Variants in CFAP54 observed in about 807,000 individuals in gnomAD.
CFAP54 encodes the protein cilia- and flagella-associated protein 54.
A neutral mutation model predicts 370.4 loss-of-function variants in CFAP54; 290 were observed. The observed-to-expected ratio is 0.78, with a 90% confidence interval of 0.71 to 0.86. The LOEUF (loss-of-function observed/expected upper bound fraction) is 0.86. CFAP54 is among the 40% of genes least tolerant of loss of function. CFAP54 has a pLI of 0.00. For missense variants in CFAP54, 3,399 were observed against 3,528.7 expected, an observed-to-expected ratio of 0.96 and a Z score of 0.93; for synonymous variants, 1,206 against 1,236.5, an observed-to-expected ratio of 0.98 and a Z score of 0.52.
intron 40 of CFAP54, among the ~76,000 whole-genome samples, chr12:96,683,842 A>C (rs1957296030): frequency 6.7e-6 from 1 of 149,792 alleles, no homozygotes; most frequent in Admixed American, 6.6e-5. Flanking sequence ...CCCAGGCTGG[A>C]GTACAGTGGC....
At chr12:96,774,907 A>G (rs1014749152) in intron 60 of CFAP54, among the ~76,000 whole-genome samples, 8 of 152,180 alleles carry the variant, frequency 5.3e-5, no homozygotes, top group Non-Finnish European at 4.4e-5. Flanking sequence ...TACAGAGGCT[A>G]CTGATGCCAC....
chr12:96,599,693 C>T (rs944550609), intron 26 of CFAP54, among the ~76,000 whole-genome samples: 4 of 152,088 alleles, frequency 2.6e-5, no homozygotes, highest in East Asian at 3.9e-4. Flanking sequence ...TTTTAATGAT[C>T]GCCATTCTAA....
At chr12:96,806,159 AATATATATAT>A (rs548500750) in intron 63 of CFAP54, among the ~76,000 whole-genome samples, 314 of 27,844 alleles carry the variant, frequency 0.011, 6 homozygotes, top group African/African-American at 0.014. Context: ...TCACTAGCCA[AATATATATAT>A]ATATATATAT....
intron 66 of CFAP54, among the ~76,000 whole-genome samples, chr12:96,840,622 C>CTTT (rs1491169613): frequency 2.1e-4 from 14 of 67,052 alleles, no homozygotes; most frequent in East Asian, 1.6e-3. Context: ...TTCTCTGTTT[C>CTTT]TTTCTTTTTT....
intron 1 of CFAP54, 108 bp downstream of exon 1, chr12:96,490,034 C>A (rs1158454510): frequency 1.9e-6 from 2 of 1,062,956 alleles, no homozygotes; most frequent in Admixed American, 5.8e-5. Context: ...GTTGCGGACG[C>A]AGGGGCTGGC....
At chr12:96,670,376 G>T (rs910284784) in intron 39 of CFAP54, among the ~76,000 whole-genome samples, 1 of 152,206 alleles carries the variant, frequency 6.6e-6, no homozygotes, top group Non-Finnish European at 1.5e-5. Flanking sequence ...GTCACCTAAT[G>T]AGGTAGGTTT....
intron 63 of CFAP54, among the ~76,000 whole-genome samples, chr12:96,810,415 G>A (rs1432053656): frequency 6.6e-6 from 1 of 152,086 alleles, no homozygotes; most frequent in South Asian, 2.1e-4. Flanking sequence ...GGAAGCAGAG[G>A]TAAAGGCATG....
rs1007354258 is a variant in CFAP54, at chr12:96,489,621, G to A, written c.12G>A (p.Gln4=). ...CGGGGCGCGTCAATATGGCGGCGCA[G>A]GGCTCCCCCTCGAGCTCTCCGTCAG... is the stretch of plus-strand genomic sequence containing the variant. MAA[Q]GSPSSSPSDD... is the part of the protein sequence containing the mutation. The change falls in exon 1 of 68, where the codon CAG becomes CAA. Residue 4 remains glutamine (Q), a synonymous_variant. Transcript: ENST00000524981. The A allele has an allele frequency of 6.6e-7, 1 of 1,520,310 alleles. No homozygotes were observed. The highest frequency in any genetic ancestry group is 8.8e-7 in the Non-Finnish European group (1 of 1,135,394). The allele number at this position is 1,520,310 out of a possible 1,614,324, so 94.2% of individuals were successfully genotyped here.
At chr12:96,813,891 G>A (rs1466270693) in intron 64 of CFAP54, among the ~76,000 whole-genome samples, 2 of 152,218 alleles carry the variant, frequency 1.3e-5, no homozygotes, top group Non-Finnish European at 1.5e-5. Flanking sequence ...GAAGAAGTAC[G>A]TGGGAGGACA....
intron 65 of CFAP54, among the ~76,000 whole-genome samples, chr12:96,819,890 C>T (rs1042746610): frequency 6.6e-6 from 1 of 152,236 alleles, no homozygotes; most frequent in African/African-American, 2.4e-5. Context: ...TGCTGCATAG[C>T]CCTGCTTCTG....
intron 39 of CFAP54, among the ~76,000 whole-genome samples, chr12:96,673,501 T>C (rs2136537864): frequency 6.6e-6 from 1 of 152,364 alleles, no homozygotes; most frequent in South Asian, 2.1e-4. Flanking sequence ...CATTAAAAGG[T>C]TAGCATCCAA....
intron 62 of CFAP54, 110 bp from the exon 63 acceptor site, chr12:96,792,219 A>C (rs1004033474): frequency 7.7e-5 from 72 of 930,902 alleles, no homozygotes; most frequent in Non-Finnish European, 1.0e-4. Flanking sequence ...TACCTCCATA[A>C]AACAAGCTGA....
intron 46 of CFAP54, among the ~76,000 whole-genome samples, chr12:96,704,218 G>A (rs974814111): frequency 2.0e-5 from 3 of 151,776 alleles, no homozygotes; most frequent in African/African-American, 4.8e-5. Context: ...ACGAGGTCAG[G>A]ATATCAAGAC....
intron 33 of CFAP54, among the ~76,000 whole-genome samples, chr12:96,647,402 G>A (rs563210849): frequency 7.0e-6 from 1 of 142,692 alleles, no homozygotes; most frequent in South Asian, 2.2e-4. Flanking sequence ...GAACCCAGGA[G>A]GCAGAGCTTG....
chr12:96,571,226 A>C (rs559747506), intron 19 of CFAP54, among the ~76,000 whole-genome samples: 1 of 152,312 alleles, frequency 6.6e-6, no homozygotes, highest in South Asian at 2.1e-4. Flanking sequence ...GCATTGAGTA[A>C]CTTCTGAAGA....
intron 33 of CFAP54, chr12:96,646,057 A>G (rs1464158426): frequency 6.6e-6 from 1 of 152,210 alleles, no homozygotes; most frequent in African/African-American, 2.4e-5. Context: ...CTTCATGTCT[A>G]AAACACCAAA....
At chr12:96,725,350 A>C (rs1308066998) in intron 50 of CFAP54, among the ~76,000 whole-genome samples, 6 of 151,774 alleles carry the variant, frequency 4.0e-5, no homozygotes, top group East Asian at 1.9e-4. Context: ...CTTTTATTTC[A>C]TTGAGCAGTG....
Position 96,625,692 on chromosome 12 carries a change from A to C in CFAP54, c.3887-26A>C, listed in dbSNP as rs879092383. On this transcript the variant is annotated intron_variant, in intron 28 of 67. Coordinates refer to ENST00000524981, the MANE Select transcript of CFAP54 (RefSeq NM_001306084.2). Reference sequence around the variant, plus strand: ...TATTTTGCGTTACTAAACAGAACATACAACTTTTGAATTTTTTAACCTTAG... The same window carrying C: ...TATTTTGCGTTACTAAACAGAACATCCAACTTTTGAATTTTTTAACCTTAG... The C allele has an allele frequency of 2.7e-6, 4 of 1,468,894 alleles. No individual in the cohort carries two copies. The South Asian group carries it at 3.7e-5, about 14-fold the overall frequency. 91.0% of individuals were successfully genotyped at this position (1,468,894 alleles called of 1,614,324 possible).
chr12:96,520,436 C>T (rs566903368), intron 6 of CFAP54, among the ~76,000 whole-genome samples: 83 of 152,060 alleles, frequency 5.5e-4, no homozygotes, highest in African/African-American at 2.0e-3. Flanking sequence ...CCCAGCTACT[C>T]GGGAGGCTGA....
Sources: allele counts gnomAD v4.1 joint callset (sites outside exome capture counted in the v4.1 genomes callset), GRCh38; gene constraint gnomAD v4.1.1; transcripts MANE v1.5; gene names NCBI Gene and HGNC (gene_info 2026-07-23, HGNC 2026-07-21).